The following EYA4 variants were observed in gnomAD, a reference collection of about 807,000 sequenced individuals.
EYA4 encodes EYA transcriptional coactivator and phosphatase 4, also known as protein phosphatase EYA4.
EYA4 carries 31 observed loss-of-function variants against 87.9 expected under a neutral mutation model. The observed-to-expected ratio is 0.35, with a 90% CI of 0.27 to 0.48. The LOEUF is 0.48. Ranked by LOEUF, EYA4 falls within the 20% of genes least tolerant of loss-of-function variation. The pLI is 0.99. For missense variants in EYA4, 678 were observed against 761.4 expected (o/e 0.89, Z 1.29); for synonymous variants, 263 against 270.6 (o/e 0.97, Z 0.28).
chr6:133,253,805 G>A (rs1431634993), intron 1 of EYA4, among the ~76,000 whole-genome samples: 1 of 152,022 alleles, frequency 6.6e-6, no homozygotes, highest in African/African-American at 2.4e-5. Flanking sequence ...ACAGCAGATT[G>A]TGTTGGGGCT....
At chr6:133,410,252 T>C (rs1255533347) in intron 3 of EYA4, among the ~76,000 whole-genome samples, 2 of 152,070 alleles carry the variant, frequency 1.3e-5, no homozygotes, top group African/African-American at 2.4e-5. Context: ...TCCTTGAAAC[T>C]TCCTATTGAA....
intron 2 of EYA4, among the ~76,000 whole-genome samples, chr6:133,306,681 G>A (rs1273701324): frequency 6.6e-6 from 1 of 151,984 alleles, no homozygotes; most frequent in Non-Finnish European, 1.5e-5. Context: ...TTTGTTTCAT[G>A]TTCATTTATG....
intron 1 of EYA4, among the ~76,000 whole-genome samples, chr6:133,273,898 T>C (rs1776945113): frequency 6.6e-6 from 1 of 151,894 alleles, no homozygotes; most frequent in Non-Finnish European, 1.5e-5. Flanking sequence ...ATTTTCATTG[T>C]GTGTGTGTGG....
intron 13 of EYA4, among the ~76,000 whole-genome samples, chr6:133,492,798 T>C (rs1797302076): frequency 6.6e-6 from 1 of 152,204 alleles, no homozygotes; most frequent in South Asian, 2.1e-4. Flanking sequence ...CAGAAGCATT[T>C]TTATATGTCA....
At chr6:133,511,672 T>TA (rs1799148599) in intron 14 of EYA4, 1 of 152,072 alleles carries the variant, frequency 6.6e-6, no homozygotes. Context: ...CACAGTAACT[T>TA]ACAATCAGGT....
At chr6:133,366,367 T>A (rs898473408) in intron 2 of EYA4, among the ~76,000 whole-genome samples, 1 of 151,804 alleles carries the variant, frequency 6.6e-6, no homozygotes, top group Non-Finnish European at 1.5e-5. Context: ...GGCAGGAGAG[T>A]GAGAGAGTTT....
chr6:133,419,242 C>T (rs994212986), intron 3 of EYA4, among the ~76,000 whole-genome samples: 7 of 152,132 alleles, frequency 4.6e-5, no homozygotes, highest in African/African-American at 1.7e-4. Flanking sequence ...ACACTGTGAC[C>T]GTGAGGGATG....
At chr6:133,409,185 T>C (rs1788992139) in intron 3 of EYA4, among the ~76,000 whole-genome samples, 1 of 152,134 alleles carries the variant, frequency 6.6e-6, no homozygotes, top group African/African-American at 2.4e-5. Flanking sequence ...CTATTCACTA[T>C]CCAAAAAGGA....
chr6:133,327,843 T>G (rs73776024), intron 2 of EYA4, among the ~76,000 whole-genome samples: 1 of 152,162 alleles, frequency 6.6e-6, no homozygotes, highest in African/African-American at 2.4e-5. Flanking sequence ...GCTTAAAAGA[T>G]TAGGTAGGAA....
intron 2 of EYA4, among the ~76,000 whole-genome samples, chr6:133,312,481 C>T (rs375839141): frequency 4.0e-4 from 61 of 152,182 alleles, no homozygotes; most frequent in African/African-American, 1.4e-3. Context: ...AGATTCCTAT[C>T]TCATTTGAAA....
chr6:133,416,274 G>A (rs1469493812), intron 3 of EYA4, among the ~76,000 whole-genome samples: 1 of 152,208 alleles, frequency 6.6e-6, no homozygotes, highest in Non-Finnish European at 1.5e-5. Flanking sequence ...GAGTTAAAAT[G>A]CAGATAAAGG....
intron 2 of EYA4, among the ~76,000 whole-genome samples, chr6:133,370,375 G>A (rs933004314): frequency 6.6e-6 from 1 of 152,140 alleles, no homozygotes; most frequent in Non-Finnish European, 1.5e-5. Flanking sequence ...TTCTATCTCA[G>A]AGAAAAATAT....
chr6:133,508,769 G>C (rs920823890), intron 14 of EYA4, among the ~76,000 whole-genome samples: 1 of 152,078 alleles, frequency 6.6e-6, no homozygotes, highest in African/African-American at 2.4e-5. Context: ...GTCATGTATG[G>C]CACTTAAAGA....
At chr6:133,302,230 T>TTAAA (rs764071664) in intron 2 of EYA4, among the ~76,000 whole-genome samples, 1 of 152,256 alleles carries the variant, frequency 6.6e-6, no homozygotes, top group East Asian at 1.9e-4. Flanking sequence ...CTCTTTTTTT[T>TTAAA]TAAATAAATA....
At chr6:133,368,701 G>T (rs960423657) in intron 2 of EYA4, among the ~76,000 whole-genome samples, 1 of 152,112 alleles carries the variant, frequency 6.6e-6, no homozygotes, top group Non-Finnish European at 1.5e-5. Context: ...ATGAAGTCAG[G>T]CAGCTCTCTG....
At chr6:133,396,398 G>A (rs1335811080) in intron 3 of EYA4, among the ~76,000 whole-genome samples, 2 of 152,170 alleles carry the variant, frequency 1.3e-5, no homozygotes, top group African/African-American at 4.8e-5. Context: ...TCATGCTAGA[G>A]CCTGGGAAAA....
chr6:133,337,050 G>A (rs1022154567), intron 2 of EYA4, among the ~76,000 whole-genome samples: 1 of 152,166 alleles, frequency 6.6e-6, no homozygotes, highest in Non-Finnish European at 1.5e-5. Context: ...CCCAATCTGC[G>A]AAATTCTCCA....
intron 2 of EYA4, among the ~76,000 whole-genome samples, chr6:133,329,340 A>G (rs767031814): frequency 7.9e-5 from 12 of 152,118 alleles, no homozygotes; most frequent in Non-Finnish European, 1.6e-4. Flanking sequence ...AGTAACTACT[A>G]TGCCATTTTT....
intron 2 of EYA4, among the ~76,000 whole-genome samples, chr6:133,361,792 G>T (rs1293785413): frequency 1.3e-5 from 2 of 152,198 alleles, no homozygotes; most frequent in Admixed American, 1.3e-4. Flanking sequence ...TGATGAGGAA[G>T]AATTGGAGAG....
Sources: allele counts gnomAD v4.1 joint callset (sites outside exome capture counted in the v4.1 genomes callset), GRCh38; gene constraint gnomAD v4.1.1; transcripts MANE v1.5; gene names NCBI Gene and HGNC (gene_info 2026-07-23, HGNC 2026-07-21).